The following POLD3 variants were observed in gnomAD, a reference collection of about 807,000 sequenced individuals.
The protein encoded by POLD3 is DNA polymerase delta subunit 3.
POLD3 carries 19 observed loss-of-function variants against 58.2 expected under a neutral mutation model. The observed-to-expected ratio is 0.33, with a 90% CI of 0.23 to 0.48. The LOEUF (loss-of-function observed/expected upper bound fraction) is 0.48. Among genes scored for constraint, POLD3 ranks in the 20% least tolerant of loss-of-function variants. The pLI is 0.99. For missense variants in POLD3, 504 were observed against 545.5 expected, an observed-to-expected ratio of 0.92 and a Z score of 0.76; for synonymous variants, 172 against 193.5, an observed-to-expected ratio of 0.89 and a Z score of 0.92.
chr11:74,635,132 A>G (rs561485145), intron 10 of POLD3, among the ~76,000 whole-genome samples: 2 of 152,316 alleles, frequency 1.3e-5, no homozygotes, highest in South Asian at 4.1e-4. Flanking sequence ...GGGGAAATAT[A>G]GCTTTGAACG....
At chr11:74,647,509 C>G (rs988580462), downstream of POLD3, among the ~76,000 whole-genome samples, 1 of 152,182 alleles carries the variant, frequency 6.6e-6, no homozygotes, top group Admixed American at 6.5e-5. Flanking sequence ...GAACCTAGGT[C>G]TTGAGACTTT....
chr11:74,594,582 T>TA (rs1422075253), intron 2 of POLD3, among the ~76,000 whole-genome samples: 5 of 152,236 alleles, frequency 3.3e-5, no homozygotes, highest in Non-Finnish European at 5.9e-5. Context: ...ATGATGCTGT[T>TA]ATGAACATTC....
At chr11:74,606,943 G>C (rs748227627) in intron 3 of POLD3, among the ~76,000 whole-genome samples, 1 of 152,056 alleles carries the variant, frequency 6.6e-6, no homozygotes, top group Non-Finnish European at 1.5e-5. Context: ...AATTTATTAA[G>C]AGTGGGGTTG....
intron 4 of POLD3, among the ~76,000 whole-genome samples, chr11:74,656,553 CT>C (rs2033137735): frequency 6.6e-6 from 1 of 151,916 alleles, no homozygotes; most frequent in Non-Finnish European, 1.5e-5. Context: ...CACCATTGCA[CT>C]CCAGCCTGGA....
At chr11:74,599,854 A>G (rs1270051554) in intron 2 of POLD3, among the ~76,000 whole-genome samples, 1 of 151,620 alleles carries the variant, frequency 6.6e-6, no homozygotes, top group Non-Finnish European at 1.5e-5. Flanking sequence ...TATGGGTGGA[A>G]CTGATCAGGA....
rs868619075 is a variant in POLD3 at position 74,651,959 on chromosome 11, C to G, written c.369+15684C>G. 3.3e-5 allele frequency among the ~76,000 whole-genome samples: 5 copies of G among 152,186 alleles called. 1 individual carries two copies. Among genetic ancestry groups the G allele is most frequent in the Admixed American group, 2.0e-4 (3 of 15,282 alleles). ...ACATGGCTGTCAGAGGTAGATAGAG[C>G]AGATAGTACCTCCATTTTGTAGCTG... On this transcript the variant is annotated intron_variant, in intron 4 of 4. Transcript: ENST00000524752.
intron 2 of POLD3, chr11:74,595,416 G>T (rs2031205672): frequency 6.6e-6 from 1 of 152,010 alleles, no homozygotes; most frequent in African/African-American, 2.4e-5. Flanking sequence ...ATGCTGCTTG[G>T]CCATATCTTT....
intron 7 of POLD3, among the ~76,000 whole-genome samples, chr11:74,622,240 T>G (rs1231353193): frequency 6.6e-6 from 1 of 152,022 alleles, no homozygotes; most frequent in Non-Finnish European, 1.5e-5. Context: ...ATGGTGTATA[T>G]GTGCCACATT....
chr11:74,653,429 T>C (rs1393941681), intron 4 of POLD3, among the ~76,000 whole-genome samples: 1 of 152,038 alleles, frequency 6.6e-6, no homozygotes, highest in African/African-American at 2.4e-5. Flanking sequence ...CTCTTCTTCT[T>C]ATGTTATACT....
At chr11:74,609,372 A>ATATATATATATATATATTTT (rs2031821525) in intron 3 of POLD3, among the ~76,000 whole-genome samples, 2 of 27,196 alleles carry the variant, frequency 7.4e-5, no homozygotes, top group African/African-American at 3.7e-4. Context: ...ATATATATAT[A>ATATATATATATATATATTTT]TTTTTTTTTT....
At chr11:74,593,169 C>A in intron 1 of POLD3, 1 of 412,836 alleles carries the variant, frequency 2.4e-6, no homozygotes. Flanking sequence ...AGGTTTGATC[C>A]GCTTCACACG....
intron 3 of POLD3, among the ~76,000 whole-genome samples, chr11:74,605,971 C>G (rs1455329285): frequency 6.6e-6 from 1 of 152,134 alleles, no homozygotes; most frequent in Non-Finnish European, 1.5e-5. Context: ...GTAGTCCCAG[C>G]TACTCAGGAG....
At chr11:74,638,867 G>A (rs1033980511) in intron 11 of POLD3, among the ~76,000 whole-genome samples, 2 of 152,228 alleles carry the variant, frequency 1.3e-5, no homozygotes, top group Non-Finnish European at 2.9e-5. Flanking sequence ...CACAATTTGA[G>A]TAGTAAGGCC....
At chr11:74,607,244 ATATT>A (rs376369916) in intron 3 of POLD3, among the ~76,000 whole-genome samples, 27 of 123,432 alleles carry the variant, frequency 2.2e-4, no homozygotes, top group South Asian at 5.5e-4. Flanking sequence ...TTATTATTAT[ATATT>A]TATTTATTTA....
intron 7 of POLD3, among the ~76,000 whole-genome samples, chr11:74,621,511 G>A (rs1167549430): frequency 6.7e-6 from 1 of 150,010 alleles, no homozygotes; most frequent in Non-Finnish European, 1.5e-5. Flanking sequence ...GCATCATGCT[G>A]TCACTGACCT....
At chr11:74,638,808 G>A (rs1364038176) in intron 11 of POLD3, 2 of 407,564 alleles carry the variant, frequency 4.9e-6, no homozygotes, top group South Asian at 1.8e-5. Context: ...AACTGAGAGT[G>A]CATTCCTAAT....
intron 4 of POLD3, among the ~76,000 whole-genome samples, chr11:74,668,067 G>T (rs1384365004): frequency 1.3e-5 from 2 of 152,208 alleles, no homozygotes; most frequent in African/African-American, 4.8e-5. Flanking sequence ...TAAACAAAAA[G>T]AGACAATAGC....
intron 3 of POLD3, among the ~76,000 whole-genome samples, chr11:74,607,415 A>C (rs1591294728): frequency 6.7e-6 from 1 of 148,852 alleles, no homozygotes; most frequent in Non-Finnish European, 1.5e-5. Context: ...GGCGCCCGCC[A>C]CCACGCCCGG....
intron 2 of POLD3, among the ~76,000 whole-genome samples, chr11:74,602,604 C>G (rs1398981984): frequency 8.2e-6 from 1 of 121,272 alleles, no homozygotes; most frequent in East Asian, 2.2e-4. Flanking sequence ...TGGGTTATTG[C>G]AATAGCCTAA....
Sources: gnomAD v4.1 joint callset for allele counts (sites outside exome capture counted in the v4.1 genomes callset) on GRCh38, gnomAD v4.1.1 for gene constraint, MANE v1.5 for transcripts, NCBI Gene and HGNC (gene_info 2026-07-23, HGNC 2026-07-21) for gene names.